CACNA1E: variants seen among roughly 807,000 people sequenced by gnomAD.
CACNA1E encodes the protein calcium voltage-gated channel subunit alpha1 E.
CACNA1E carries 40 observed loss-of-function variants against 259.2 expected under a neutral mutation model. The ratio of observed to expected loss-of-function variants is 0.15; its 90% CI spans 0.12 to 0.20. The LOEUF (loss-of-function observed/expected upper bound fraction) is 0.20, where lower values mean the gene tolerates loss of function less well. CACNA1E is among the 10% of genes least tolerant of loss of function. CACNA1E has a pLI of 1.00. For synonymous variants in CACNA1E, 1,104 were observed against 1,138.5 expected, an observed-to-expected ratio of 0.97 and a Z score of 0.61; for missense variants, 1,874 against 3,040.1, an observed-to-expected ratio of 0.62 and a Z score of 9.02.
At chr1:181,724,211 C>G (rs1357857804) in intron 16 of CACNA1E, among the ~76,000 whole-genome samples, 1 of 152,182 alleles carries the variant, frequency 6.6e-6, no homozygotes, top group Non-Finnish European at 1.5e-5. Flanking sequence ...ATCTGGCCCC[C>G]AGATGGTTTG....
At position 181,365,192 on chromosome 1, in the gene CACNA1E, A is replaced by G. The variant is rs181138152; in HGVS notation, c.-15+47069A>G. 2.6e-3 allele frequency among the ~76,000 whole-genome samples: 399 copies of G among 152,250 alleles called. 5 individuals carry two copies. The highest frequency in any genetic ancestry group is 9.0e-3 in the African/African-American group (372 of 41,534). On this transcript the variant is annotated intron_variant, in intron 1 of 11. Coordinates refer to the CACNA1E transcript ENST00000524607. Reference sequence around the variant, plus strand: ...TTTTATTTTTTATTTTTATGAATCAATGTCTCACTCTGTCACCCAGGTGGG... The same window carrying G: ...TTTTATTTTTTATTTTTATGAATCAGTGTCTCACTCTGTCACCCAGGTGGG...
chr1:181,553,240 G>A (rs1312163964), intron 3 of CACNA1E, among the ~76,000 whole-genome samples: 5 of 152,054 alleles, frequency 3.3e-5, no homozygotes, highest in Non-Finnish European at 7.4e-5. Flanking sequence ...TGTATTCCTA[G>A]GTATCTTATT....
chr1:181,712,261 G>T (rs1391138909), intron 8 of CACNA1E, among the ~76,000 whole-genome samples: 2 of 152,108 alleles, frequency 1.3e-5, no homozygotes, highest in African/African-American at 4.8e-5. Context: ...TTTAAAGGTT[G>T]GTTTGCATTA....
intron 45 of CACNA1E, 32 bp from the exon 46 acceptor site, chr1:181,794,832 C>T (rs745952643): frequency 1.3e-6 from 2 of 1,586,640 alleles, no homozygotes; most frequent in South Asian, 2.3e-5. Context: ...TTAATCCATA[C>T]CTTGTGTTTC....
chr1:181,481,944 G>T (rs1254285378), upstream of CACNA1E, among the ~76,000 whole-genome samples: 1 of 152,156 alleles, frequency 6.6e-6, no homozygotes, highest in South Asian at 2.1e-4. Context: ...TTTCGAGAAG[G>T]GTAGTTTTAG....
upstream of CACNA1E, among the ~76,000 whole-genome samples, chr1:181,482,105 C>T (rs1044308767): frequency 1.3e-5 from 2 of 152,238 alleles, no homozygotes; most frequent in African/African-American, 4.8e-5. Flanking sequence ...CTAGCCTCCT[C>T]CACGGGGCCT....
intron 3 of CACNA1E, among the ~76,000 whole-genome samples, chr1:181,558,855 A>G (rs1042784790): frequency 2.0e-5 from 3 of 152,178 alleles, no homozygotes; most frequent in East Asian, 1.9e-4. Context: ...GTGAAAAATT[A>G]TGAGGACGTT....
chr1:181,326,273 T>G (rs1167780514), intron 1 of CACNA1E, among the ~76,000 whole-genome samples: 1 of 152,178 alleles, frequency 6.6e-6, no homozygotes, highest in African/African-American at 2.4e-5. Context: ...TTGAATCCAG[T>G]CTTGACTTCG....
At chr1:181,686,557 G>T (rs193161110) in intron 7 of CACNA1E, among the ~76,000 whole-genome samples, 1 of 152,276 alleles carries the variant, frequency 6.6e-6, no homozygotes, top group Admixed American at 6.5e-5. Flanking sequence ...AAAGTGCTGG[G>T]ATTACAGGTG....
In CACNA1E at chr1:181,799,513, G is replaced by A. The variant is rs1004276070; in HGVS notation, c.*679G>A. The A allele has an allele frequency of 2.6e-5, 4 of 152,860 alleles. No homozygotes were observed. The highest frequency in any genetic ancestry group is 4.4e-5 in the Non-Finnish European group (3 of 68,220). 9.5% of individuals were successfully genotyped at this position (152,860 alleles called of 1,614,324 possible). A position where few individuals can be genotyped will look rare whatever the true frequency, so the allele number is the denominator to read the frequency against. ...CAGCCCCTACCATGAGGGAGACAGA[G>A]AAACAGAACTGGTGGTGCTGGGGGG... On this transcript the variant is annotated 3_prime_UTR_variant, in exon 48 of 48. Coordinates refer to ENST00000367573, the MANE Select transcript of CACNA1E (RefSeq NM_001205293.3).
intron 3 of CACNA1E, among the ~76,000 whole-genome samples, chr1:181,540,609 C>T (rs1460298442): frequency 6.6e-6 from 1 of 152,148 alleles, no homozygotes; most frequent in East Asian, 1.9e-4. Context: ...TCATAGAACG[C>T]TCATGTGAGA....
intron 1 of CACNA1E, among the ~76,000 whole-genome samples, chr1:181,363,210 A>T (rs1654018562): frequency 6.6e-6 from 1 of 152,142 alleles, no homozygotes; most frequent in Non-Finnish European, 1.5e-5. Flanking sequence ...TCACAATCTC[A>T]TTAGGAAGAT....
chr1:181,712,994 G>T (rs987895581), intron 8 of CACNA1E, among the ~76,000 whole-genome samples: 1 of 152,184 alleles, frequency 6.6e-6, no homozygotes, highest in East Asian at 1.9e-4. Flanking sequence ...GAAAAAAGAC[G>T]CACTGCGACG....
At chr1:181,737,468 G>GT in intron 22 of CACNA1E, 57 bp from the exon 23 acceptor site, 1 of 1,601,402 alleles carries the variant, frequency 6.2e-7, no homozygotes, top group South Asian at 1.1e-5. Context: ...GGAGTGAGGA[G>GT]TAAGGGCATG....
chr1:181,446,574 A>C (rs1660801447), intron 2 of CACNA1E, among the ~76,000 whole-genome samples: 1 of 152,216 alleles, frequency 6.6e-6, no homozygotes, highest in African/African-American at 2.4e-5. Context: ...GCCATGCTGA[A>C]TTCATGTTTA....
At chr1:181,551,678 A>G (rs977364836) in intron 3 of CACNA1E, among the ~76,000 whole-genome samples, 2 of 152,148 alleles carry the variant, frequency 1.3e-5, no homozygotes, top group Non-Finnish European at 2.9e-5. Flanking sequence ...TGAGGACAAC[A>G]GAAGGCCAGA....
intron 1 of CACNA1E, among the ~76,000 whole-genome samples, chr1:181,333,458 A>G (rs975316936): frequency 2.0e-5 from 3 of 152,278 alleles, no homozygotes; most frequent in South Asian, 2.1e-4. Context: ...AGTCCTGCCA[A>G]TGTAGCTCAG....
chr1:181,617,255 A>G (rs987667670), intron 6 of CACNA1E, among the ~76,000 whole-genome samples: 10 of 148,076 alleles, frequency 6.8e-5, no homozygotes, highest in African/African-American at 2.2e-4. Context: ...ATATCTTTAT[A>G]TTTAAGGTGT....
chr1:181,692,290 T>G (rs1189281917), intron 7 of CACNA1E, among the ~76,000 whole-genome samples: 3 of 152,174 alleles, frequency 2.0e-5, no homozygotes, highest in Non-Finnish European at 4.4e-5. Flanking sequence ...TTCACAGAAT[T>G]AGAAAAAACT....
Sources: allele counts gnomAD v4.1 joint callset (sites outside exome capture counted in the v4.1 genomes callset), GRCh38; gene constraint gnomAD v4.1.1; transcripts MANE v1.5; gene names NCBI Gene and HGNC (gene_info 2026-07-23, HGNC 2026-07-21).